ZNF808: variants seen among roughly 807,000 people sequenced by gnomAD.
The protein encoded by ZNF808 is zinc finger protein 808.
A neutral mutation model predicts 8.7 loss-of-function variants in ZNF808; 5 were observed. That is an observed-to-expected ratio of 0.58 (90% CI 0.30 to 1.21). The LOEUF is 1.21. Ranked by LOEUF, ZNF808 falls within the 50% of genes most tolerant of loss-of-function variation. The pLI is 0.07. For missense variants in ZNF808, 1,103 were observed against 1,098.4 expected (o/e 1.00, Z -0.06); for synonymous variants, 380 against 366.0 (o/e 1.04, Z -0.44).
At chr19:52,531,869 G>T (rs1414476678) in intron 1 of ZNF808, among the ~76,000 whole-genome samples, 1 of 152,084 alleles carries the variant, frequency 6.6e-6, no homozygotes, top group Non-Finnish European at 1.5e-5. Flanking sequence ...GACACTGTTA[G>T]TCAGTTCTTA....
chr19:52,554,375 G>A lies in ZNF808; in HGVS notation c.1459G>A (p.Glu487Lys), dbSNP rs750325667. 7 of 1,613,902 alleles carry A rather than the reference G, an allele frequency of 4.3e-6. No individual in the cohort carries two copies. The Admixed American group carries it at 6.7e-5, about 15-fold the overall frequency. ...HTGEKTYKCNECRKTFSRRSS... is the reference protein window; with the variant it reads ...HTGEKTYKCNKCRKTFSRRSS... ...TGGAGAGAAAACTTACAAGTGTAAT[G>A]AGTGTCGCAAGACCTTCAGCCGCAG... Residue 487 changes from glutamate (E) to lysine (K), a missense_variant, in exon 5 of 5, where the codon GAG (glutamate) becomes AAG (lysine). Physicochemically the swap from Glu to Lys is moderately conservative, Grantham distance 56. Transcript: ENST00000359798.
intron 3 of ZNF808, among the ~76,000 whole-genome samples, chr19:52,561,663 T>C (rs1047234287): frequency 6.6e-6 from 1 of 152,022 alleles, no homozygotes; most frequent in Non-Finnish European, 1.5e-5. Flanking sequence ...TTCTCCTGCC[T>C]GAGGCTCCCA....
chr19:52,547,596 A>G lies in ZNF808; in HGVS notation c.148A>G (p.Arg50Gly), dbSNP rs1349322119. ...FLNPAQRALY[R>G]EVMLENYRNL... ...GAACCCTGCACAGAGGGCTTTGTAC[A>G]GGGAAGTGATGTTGGAGAACTACAG... Residue 50 changes from arginine (R) to glycine (G), a missense_variant, in exon 4 of 5, where the codon AGG (arginine) becomes GGG (glycine). Physicochemically the swap from Arg to Gly is moderately radical, Grantham distance 125 (BLOSUM62 -2). Transcript: ENST00000359798. 6 of 1,614,106 alleles carry G rather than the reference A, an allele frequency of 3.7e-6. No individual in the cohort carries two copies. Among genetic ancestry groups the G allele is most frequent in the South Asian group, 1.1e-5 (1 of 91,080 alleles).
rs750413881 is a variant in ZNF808, at chr19:52,554,450, A to G, written c.1534A>G (p.Lys512Glu). The G allele has an allele frequency of 3.7e-6, 6 of 1,614,180 alleles. No homozygotes were observed. In the Admixed American group the frequency reaches 8.3e-5, roughly 22 times the overall value. The change falls in exon 5 of 5, where the codon AAG (lysine) becomes GAG (glutamate). Residue 512 changes from lysine to glutamate, a missense_variant. Coordinates refer to ENST00000359798, the MANE Select transcript of ZNF808 (RefSeq NM_001039886.4). ...ACTTCATAGTGGTGAAAAACCTTAC[A>G]AGTGTAATCAGTGTGGCAATACCTT... ...RRLHSGEKPY[K>E]CNQCGNTFRH...
chr19:52,535,504 C>T (rs978721799), intron 2 of ZNF808, among the ~76,000 whole-genome samples: 36 of 152,274 alleles, frequency 2.4e-4, no homozygotes, highest in South Asian at 1.0e-3. Flanking sequence ...GGCTTCCGCC[C>T]CGTGCCCGCA....
Position 52,538,838 on chromosome 19 carries a change from T to C in ZNF808, c.-19-4428T>C, listed in dbSNP as rs143673612. Among the ~76,000 whole-genome samples, 1,263 of 152,214 alleles carry C rather than the reference T, an allele frequency of 8.3e-3. 16 individuals are homozygous for C. The highest frequency in any genetic ancestry group is 0.029 in the African/African-American group (1,191 of 41,508). On this transcript the variant is annotated intron_variant, in intron 2 of 4. Transcript: ENST00000359798. ...TGGATGTGATGATGAAGTGATGACA[T>C]GTTGTTTTCTCTGTTTATAAGGTAA...
At chr19:52,545,527 C>A (rs2059712247) in intron 3 of ZNF808, among the ~76,000 whole-genome samples, 1 of 152,106 alleles carries the variant, frequency 6.6e-6, no homozygotes, top group Non-Finnish European at 1.5e-5. Context: ...CACCTGTAAT[C>A]CCACCACTAT....
chr19:52,552,899 A>G (rs560537015), intron 4 of ZNF808, among the ~76,000 whole-genome samples: 1 of 152,308 alleles, frequency 6.6e-6, no homozygotes, highest in East Asian at 1.9e-4. Context: ...GTCATGATAT[A>G]GGAAATAGAC....
At chr19:52,535,406 AG>A (rs1178748473) in intron 2 of ZNF808, among the ~76,000 whole-genome samples, 1 of 148,904 alleles carries the variant, frequency 6.7e-6, no homozygotes, top group Non-Finnish European at 1.5e-5. Flanking sequence ...GCCCTGCGGG[AG>A]GGGGTGTTAC....
chr19:52,557,617 T>C (rs772327713), downstream of ZNF808, among the ~76,000 whole-genome samples: 1 of 152,212 alleles, frequency 6.6e-6, no homozygotes, highest in Non-Finnish European at 1.5e-5. Context: ...AGTTCTACAG[T>C]TGACCTTCTT....
chr19:52,530,845 C>T (rs771833088), intron 1 of ZNF808, among the ~76,000 whole-genome samples: 14 of 151,652 alleles, frequency 9.2e-5, no homozygotes, highest in African/African-American at 2.7e-4. Context: ...TGTAGACATA[C>T]GCCTCTAATT....
chr19:52,557,854 T>C (rs2059843254), downstream of ZNF808, among the ~76,000 whole-genome samples: 1 of 151,928 alleles, frequency 6.6e-6, no homozygotes, highest in Non-Finnish European at 1.5e-5. Flanking sequence ...CATGTAAGAC[T>C]TCACACACAC....
chr19:52,530,986 C>G (rs535740769), intron 1 of ZNF808, among the ~76,000 whole-genome samples: 70 of 151,400 alleles, frequency 4.6e-4, no homozygotes, highest in Non-Finnish European at 8.3e-4. Context: ...CCCCGCCCCC[C>G]AAAAAAAGAA....
At chr19:52,552,020 A>T (rs929159587) in intron 4 of ZNF808, among the ~76,000 whole-genome samples, 34 of 144,344 alleles carry the variant, frequency 2.4e-4, no homozygotes, top group African/African-American at 7.3e-4. Flanking sequence ...ATGGAAACAA[A>T]TTTTTTTTTT....
Position 52,548,855 on chromosome 19 carries a change from C to T in ZNF808, c.190+1217C>T, listed in dbSNP as rs147308089. Among the ~76,000 whole-genome samples the T allele has an allele frequency of 4.0e-3, 614 of 152,136 alleles. 3 individuals are homozygous for T. Among genetic ancestry groups the T allele is most frequent in the African/African-American group, 0.014 (585 of 41,506 alleles). ...CTACCAGGCTGGGTGCGGTGGCTCA[C>T]GCCTGTAATCCCAGCAATTTGGAAG... is the stretch of plus-strand genomic sequence containing the variant. On this transcript the variant is annotated intron_variant, in intron 4 of 4. Transcript: ENST00000359798.
Position 52,547,652 on chromosome 19 carries a change from C to T in ZNF808, c.190+14C>T. On this transcript the variant is annotated intron_variant, in intron 4 of 4. Transcript: ENST00000359798. ...TGGAGGCTGTGGGTGAGGAAAATGT[C>T]CCTGCAGACATGAGGAGTCTGCTCC... 6.2e-7 allele frequency: 1 copy of T among 1,613,534 alleles called. No individual in the cohort carries two copies. Among genetic ancestry groups the T allele is most frequent in the Non-Finnish European group, 8.5e-7 (1 of 1,179,888 alleles).
intron 4 of ZNF808, among the ~76,000 whole-genome samples, chr19:52,551,736 C>T (rs541396066): frequency 6.6e-6 from 1 of 152,186 alleles, no homozygotes; most frequent in Admixed American, 6.6e-5. Context: ...GGTGCAGTGG[C>T]TCACACCTGT....
chr19:52,545,899 C>T (rs2059715634), intron 3 of ZNF808, among the ~76,000 whole-genome samples: 1 of 152,172 alleles, frequency 6.6e-6, no homozygotes, highest in South Asian at 2.1e-4. Context: ...ATTCTCTGCA[C>T]TAGATAAACC....
chr19:52,543,385 T>C (rs575697449), intron 3 of ZNF808, 38 bp downstream of exon 3: 2 of 1,603,406 alleles, frequency 1.2e-6, no homozygotes, highest in Non-Finnish European at 1.7e-6. Context: ...TCTGTCTCTT[T>C]CCTTTCTGAA....
Sources: gnomAD v4.1 joint callset for allele counts (sites outside exome capture counted in the v4.1 genomes callset) on GRCh38, gnomAD v4.1.1 for gene constraint, MANE v1.5 for transcripts, NCBI Gene and HGNC (gene_info 2026-07-23, HGNC 2026-07-21) for gene names.